Variants in CYRIB observed in about 807,000 individuals in gnomAD.
The protein encoded by CYRIB is CYFIP related Rac1 interactor B, also known as CYFIP-related Rac1 interactor B.
CYRIB carries 8 observed loss-of-function variants against 44.2 expected under a neutral mutation model. That is an observed-to-expected ratio of 0.18 (90% confidence interval 0.11 to 0.33). The LOEUF is 0.33. Ranked by LOEUF, CYRIB falls within the 10% of genes least tolerant of loss-of-function variation. CYRIB has a pLI of 1.00. For synonymous variants in CYRIB, 131 were observed against 127.2 expected (o/e 1.03, Z -0.20); for missense variants, 185 against 382.8 (o/e 0.48, Z 4.31).
At chr8:129,869,109 G>A (rs894745202) in intron 4 of CYRIB, among the ~76,000 whole-genome samples, 1 of 151,122 alleles carries the variant, frequency 6.6e-6, no homozygotes, top group African/African-American at 2.4e-5. Flanking sequence ...AAAAAGGCTG[G>A]GCGCGGTGGT....
exon 12 of CYRIB, chr8:129,840,018 T>A (rs887443881): frequency 2.0e-5 from 3 of 152,910 alleles, no homozygotes; most frequent in African/African-American, 7.2e-5. Context: ...CTCTCCGGTA[T>A]CCAGATACTA....
intron 11 of CYRIB, among the ~76,000 whole-genome samples, chr8:129,845,082 GATTACT>G (rs2039013997): frequency 6.6e-6 from 1 of 152,100 alleles, no homozygotes; most frequent in Admixed American, 6.6e-5. Context: ...CTCAAACACA[GATTACT>G]TTGTGGGAGA....
At chr8:129,866,931 CA>C (rs2053954893) in intron 4 of CYRIB, among the ~76,000 whole-genome samples, 1 of 152,214 alleles carries the variant, frequency 6.6e-6, no homozygotes, top group African/African-American at 2.4e-5. Flanking sequence ...GCCCAACATG[CA>C]AAAGGGCACT....
At chr8:129,999,959 G>A (rs1210016143) in intron 1 of CYRIB, among the ~76,000 whole-genome samples, 4 of 152,116 alleles carry the variant, frequency 2.6e-5, no homozygotes, top group African/African-American at 9.7e-5. Context: ...GATTAAACGA[G>A]ATGATGTACA....
chr8:129,923,362 C>A (rs2085086867), intron 1 of CYRIB, among the ~76,000 whole-genome samples: 1 of 151,828 alleles, frequency 6.6e-6, no homozygotes, highest in South Asian at 2.1e-4. Context: ...GCAACCTCTG[C>A]CTCCCAGGTT....
rs145068857 is a variant in CYRIB, at chr8:129,922,093, T to C, written c.-50+17515A>G. Among the ~76,000 whole-genome samples, 58 of 152,340 alleles carry C rather than the reference T, an allele frequency of 3.8e-4. No homozygotes were observed. The East Asian group carries it at 0.01, about 27-fold the overall frequency. ...AGTGGCCACACTGCACTAACCACACTGTTATGGTAACATAATCTGGGCAGT... is the reference window on the plus strand; with the variant it reads ...AGTGGCCACACTGCACTAACCACACCGTTATGGTAACATAATCTGGGCAGT... On this transcript the variant is annotated intron_variant, in intron 1 of 11. Coordinates refer to ENST00000519824, the Ensembl canonical transcript of CYRIB.
intron 1 of CYRIB, among the ~76,000 whole-genome samples, chr8:129,935,072 C>T (rs546135954): frequency 6.6e-6 from 1 of 152,292 alleles, no homozygotes; most frequent in South Asian, 2.1e-4. Context: ...TCCAGTTCAC[C>T]TGCATCTCGT....
intron 2 of CYRIB, among the ~76,000 whole-genome samples, chr8:129,897,500 A>C (rs385022): frequency 0.38 from 57,653 of 151,020 alleles, 13,191 homozygotes; most frequent in East Asian, 0.56. Flanking sequence ...AAGTATCTTA[A>C]AACAACAGTC....
chr8:129,927,603 T>C (rs965300277), intron 1 of CYRIB, among the ~76,000 whole-genome samples: 3 of 152,208 alleles, frequency 2.0e-5, no homozygotes, highest in African/African-American at 4.8e-5. Flanking sequence ...TCATCTAACA[T>C]ATATATATGC....
chr8:129,983,167 C>T (rs1591723123), intron 1 of CYRIB, among the ~76,000 whole-genome samples: 1 of 152,158 alleles, frequency 6.6e-6, no homozygotes, highest in East Asian at 1.9e-4. Flanking sequence ...TAAATAAGGC[C>T]GGGCGCAGTG....
At chr8:129,940,353 G>A (rs1371651759), upstream of CYRIB, among the ~76,000 whole-genome samples, 3 of 152,228 alleles carry the variant, frequency 2.0e-5, no homozygotes, top group African/African-American at 7.2e-5. Context: ...CCTGGCAGGC[G>A]CCCAGCGCCA....
chr8:129,871,753 T>C (rs532431191), intron 3 of CYRIB, among the ~76,000 whole-genome samples: 1 of 152,196 alleles, frequency 6.6e-6, no homozygotes, highest in Non-Finnish European at 1.5e-5. Flanking sequence ...AAATTAGGAC[T>C]TGGTATATTA....
At chr8:129,884,409 C>T (rs951131162) in intron 2 of CYRIB, among the ~76,000 whole-genome samples, 1 of 152,070 alleles carries the variant, frequency 6.6e-6, no homozygotes, top group African/African-American at 2.4e-5. Flanking sequence ...CTGCCTCAGC[C>T]TCCTGAGTAG....
chr8:129,924,314 G>GGGGGGGGGGA (rs1554645242), intron 1 of CYRIB, among the ~76,000 whole-genome samples: 1 of 34,940 alleles, frequency 2.9e-5, no homozygotes, highest in Non-Finnish European at 5.1e-5. Context: ...GGTGGCGGGG[G>GGGGGGGGGGA]GGGTGTTACT....
exon 12 of CYRIB, chr8:129,840,642 T>C (rs2035888478): frequency 6.6e-6 from 1 of 152,176 alleles, no homozygotes; most frequent in African/African-American, 2.4e-5. Context: ...AAAGTTGGCG[T>C]TCATTAGAGG....
intron 1 of CYRIB, among the ~76,000 whole-genome samples, chr8:129,916,583 T>A (rs1478351332): frequency 6.6e-6 from 1 of 152,174 alleles, no homozygotes; most frequent in Non-Finnish European, 1.5e-5. Flanking sequence ...TGTTTCCTCC[T>A]AAAAAGGCAT....
At chr8:129,846,832 T>C in exon 11 of CYRIB, 2 of 1,598,104 alleles carry the variant, frequency 1.3e-6, no homozygotes, top group Non-Finnish European at 1.7e-6. Flanking sequence ...CCTTCCACAC[T>C]ATTAGGAGGT....
intron 1 of CYRIB, among the ~76,000 whole-genome samples, chr8:129,907,649 G>A (rs536156785): frequency 6.6e-6 from 1 of 152,184 alleles, no homozygotes; most frequent in Non-Finnish European, 1.5e-5. Flanking sequence ...CAAGACATGA[G>A]TTATTACTTC....
Position 129,900,953 on chromosome 8 carries a change from C to T in CYRIB, c.-11+2359G>A, listed in dbSNP as rs537823228. ...CCACCCAAAGTGCTGGAATTACAGG[C>T]GTGTGCCACCACGCGCCCAGCCCTG... is the stretch of plus-strand genomic sequence containing the variant. On this transcript the variant is annotated intron_variant, in intron 2 of 11. Transcript: ENST00000519824. Among the ~76,000 whole-genome samples the T allele has an allele frequency of 3.9e-5, 6 of 152,328 alleles. No homozygotes were observed. In the East Asian group the frequency reaches 9.7e-4, roughly 25 times the overall value.
Sources: gnomAD v4.1 joint callset for allele counts (sites outside exome capture counted in the v4.1 genomes callset) on GRCh38, gnomAD v4.1.1 for gene constraint, MANE v1.5 for transcripts, NCBI Gene and HGNC (gene_info 2026-07-23, HGNC 2026-07-21) for gene names.